Variants in RPL7A observed in about 807,000 individuals in gnomAD.
RPL7A encodes the protein ribosomal protein L7a.
For missense variants in RPL7A, 291 were observed against 338.2 expected, an observed-to-expected ratio of 0.86 and a Z score of 1.09; for synonymous variants, 158 against 128.2, an observed-to-expected ratio of 1.23 and a Z score of -1.57.
intron 6 of RPL7A, 101 bp from the exon 7 acceptor site, chr9:133,350,901 C>G: frequency 6.7e-7 from 1 of 1,484,526 alleles, no homozygotes; most frequent in Non-Finnish European, 9.4e-7. Context: ...GTCAGCATTG[C>G]ATCTGAGGCA....
In RPL7A at chr9:133,350,570, C is replaced by T. The variant is rs2129994744; in HGVS notation, c.496-27C>T. ...AAATTTGCTGCTTTTGGTCAAAATA[C>T]AGTCTTCAGCTAATGCTTTCTTCCA... On this transcript the variant is annotated intron_variant, in intron 5 of 7. Coordinates refer to ENST00000323345, the MANE Select transcript of RPL7A (RefSeq NM_000972.3). 56 of 1,613,890 alleles carry T rather than the reference C, an allele frequency of 3.5e-5. No individual in the cohort carries two copies. In the African/African-American group the frequency reaches 5.5e-4, roughly 16 times the overall value.
chr9:133,350,087 G>A lies in RPL7A; in HGVS notation c.415+35G>A, dbSNP rs2129991191. On this transcript the variant is annotated intron_variant, in intron 4 of 7. Transcript: ENST00000323345. The stretch of plus-strand genomic sequence containing the variant: ...CCCCACCTTAGGGTGAACACTGGGG[G>A]CGGGCTGTTGCAGTGATGTAAAATT... 2.5e-6 allele frequency: 4 copies of A among 1,613,938 alleles called. No individual in the cohort carries two copies. In the South Asian group the frequency reaches 4.4e-5, roughly 18 times the overall value.
rs2129987920 is a variant in RPL7A, at chr9:133,349,685, C to G, written c.259C>G (p.Leu87Val). Residue 87 changes from leucine (L) to valine (V), a missense_variant, in exon 3 of 8, where the codon CTG becomes GTG. By Grantham distance (32) the Leu-to-Val change is conservative (BLOSUM62 1). Transcript: ENST00000323345. Reference sequence around the variant, plus strand: ...TGCGATTAACCAGTTCACCCAGGCCCTGGACCGCCAAACAGGTGAGGTTCT... The same window carrying G: ...TGCGATTAACCAGTTCACCCAGGCCGTGGACCGCCAAACAGGTGAGGTTCT... ...PPAINQFTQA[L>V]DRQTATQLLK... 6.2e-7 allele frequency: 1 copy of G among 1,614,016 alleles called. No homozygotes were observed. Among genetic ancestry groups the G allele is most frequent in the Admixed American group, 1.7e-5 (1 of 60,022 alleles).
At position 133,350,040 on chromosome 9, in the gene RPL7A, G is replaced by C. The variant is rs1228123756; in HGVS notation, c.403G>C (p.Val135Leu). 1 of 1,613,712 alleles carries C rather than the reference G, an allele frequency of 6.2e-7. No homozygotes were observed. The highest frequency in any genetic ancestry group is 8.5e-7 in the Non-Finnish European group (1 of 1,180,044). ...KGDVPTKRPP[V>L]LRAGVNTVTT... ...GGACGTCCCAACGAAGAGACCACCT[G>C]TCCTTCGAGCAGGTGAGTAGGCCCC... The change falls in exon 4 of 8, where the codon GTC (valine) becomes CTC (leucine). Residue 135 changes from valine to leucine, a missense_variant. Transcript: ENST00000323345.
chr9:133,350,248 A>G lies in RPL7A; in HGVS notation c.424A>G (p.Thr142Ala). The change falls in exon 5 of 8, where the codon ACC becomes GCC. Residue 142 changes from threonine to alanine, a missense_variant. By Grantham distance (58) the Thr-to-Ala change is moderately conservative. Coordinates refer to ENST00000323345, the MANE Select transcript of RPL7A (RefSeq NM_000972.3). ...GTGGTTGTGTGTTCTAGGAGTTAAC[A>G]CCGTCACCACCTTGGTGGAGAACAA... is the stretch of plus-strand genomic sequence containing the variant. ...RPPVLRAGVN[T>A]VTTLVENKKA... 6.2e-7 allele frequency: 1 copy of G among 1,613,856 alleles called. No individual in the cohort carries two copies. Among genetic ancestry groups the G allele is most frequent in the South Asian group, 1.1e-5 (1 of 91,046 alleles).
chr9:133,348,688 T>G (rs184342535), intron 1 of RPL7A: 1 of 717,436 alleles, frequency 1.4e-6, no homozygotes. Flanking sequence ...GAGAGCGTGG[T>G]CTCGGGCTTA....
Position 133,350,971 on chromosome 9 carries a change from A to G in RPL7A, c.627-31A>G, listed in dbSNP as rs1245135491. 5 of 1,612,694 alleles carry G rather than the reference A, an allele frequency of 3.1e-6. No homozygotes were observed. In the African/African-American group the frequency reaches 5.3e-5, roughly 17 times the overall value. ...TCTAAAAGGGAAACTAAGGCAAAAA[A>G]CCCACTTTTGTTTCCCCTCCTGCCT... On this transcript the variant is annotated intron_variant, in intron 6 of 7. Transcript: ENST00000323345.
At chr9:133,348,746 CTGAA>C in intron 1 of RPL7A, 172 bp from the exon 2 acceptor site, 1 of 950,466 alleles carries the variant, frequency 1.1e-6, no homozygotes, top group Non-Finnish European at 1.7e-6. Flanking sequence ...GCTTGTGCGG[CTGAA>C]TGTGAGATGC....
At chr9:133,350,096 T>G (rs2129991276) in intron 4 of RPL7A, 44 bp downstream of exon 4, 3 of 1,613,792 alleles carry the variant, frequency 1.9e-6, no homozygotes, top group Non-Finnish European at 2.5e-6. Flanking sequence ...GGCGGGCTGT[T>G]GCAGTGATGT....
At chr9:133,349,815 C>T in intron 3 of RPL7A, 97 bp from the exon 4 acceptor site, 3 of 1,580,552 alleles carry the variant, frequency 1.9e-6, no homozygotes, top group East Asian at 4.5e-5. Context: ...AAATTATAGT[C>T]ATATAGCAGG....
chr9:133,349,454 C>T (rs1836318912), intron 2 of RPL7A, 97 bp from the exon 3 acceptor site: 1 of 1,462,038 alleles, frequency 6.8e-7, no homozygotes, highest in South Asian at 1.1e-5. Flanking sequence ...TTTTAAACCA[C>T]CAAGATCGCT....
In RPL7A at chr9:133,349,442, C is replaced by T. The variant is rs2129986084; in HGVS notation, c.125-109C>T. 3.0e-6 allele frequency: 4 copies of T among 1,317,940 alleles called. No individual in the cohort carries two copies. In the African/African-American group the frequency reaches 4.4e-5, roughly 14 times the overall value. The allele number at this position is 1,317,940 out of a possible 1,614,324, so 81.6% of individuals were successfully genotyped here. ...TTTGCTATCTGAGAGATGGTGATGA[C>T]ATTTTAAACCACCAAGATCGCTGAT... On this transcript the variant is annotated intron_variant, in intron 2 of 7. Transcript: ENST00000323345.
At position 133,351,066 on chromosome 9, in the gene RPL7A, G is replaced by A; in HGVS notation, c.691G>A (p.Asp231Asn). 1.2e-6 allele frequency: 2 copies of A among 1,613,812 alleles called. No individual in the cohort carries two copies. Among genetic ancestry groups the A allele is most frequent in the Non-Finnish European group, 1.7e-6 (2 of 1,179,866 alleles). ...AIRTNYNDRYDEIRRHWGGNV... is the reference protein window; with the variant it reads ...AIRTNYNDRYNEIRRHWGGNV... ...CAGGACCAATTACAATGACAGATAC[G>A]ATGAGGTAAGAGGCAGCTTTACACC... The change falls in exon 7 of 8, where the codon GAT (aspartate) becomes AAT (asparagine). Residue 231 changes from aspartate (D) to asparagine (N), a missense_variant. Coordinates refer to ENST00000323345, the MANE Select transcript of RPL7A (RefSeq NM_000972.3).
chr9:133,350,217 C>A (rs2129992147), intron 4 of RPL7A, 23 bp from the exon 5 acceptor site: 5 of 1,613,584 alleles, frequency 3.1e-6, no homozygotes, highest in Non-Finnish European at 4.2e-6. Flanking sequence ...TGTGAGTGCT[C>A]ACAAAGTGGT....
chr9:133,350,847 TGCCAATGATGG>T, intron 6 of RPL7A, 120 bp downstream of exon 6: 4 of 1,547,772 alleles, frequency 2.6e-6, no homozygotes, highest in Non-Finnish European at 3.6e-6. Flanking sequence ...TCTGAACTTT[TGCCAATGATGG>T]TTAAGAATTT....
intron 5 of RPL7A, 118 bp from the exon 6 acceptor site, chr9:133,350,479 T>G: frequency 6.4e-7 from 1 of 1,561,922 alleles, no homozygotes; most frequent in Non-Finnish European, 8.8e-7. Flanking sequence ...AATCTCTCAC[T>G]GAATTCAACC....
intron 2 of RPL7A, 197 bp downstream of exon 2, chr9:133,349,239 T>C (rs1041361850): frequency 8.0e-6 from 6 of 752,234 alleles, no homozygotes; most frequent in Non-Finnish European, 1.4e-5. Flanking sequence ...CAGCTCAATA[T>C]GGTAGTGGCC....
chr9:133,348,825 CT>C, intron 1 of RPL7A, 96 bp from the exon 2 acceptor site: 1 of 1,588,130 alleles, frequency 6.3e-7, no homozygotes, highest in Non-Finnish European at 8.6e-7. Flanking sequence ...CAGGCAGGTG[CT>C]GTCAGCGTCC....
At chr9:133,349,870 A>G (rs1392135780) in intron 3 of RPL7A, 42 bp from the exon 4 acceptor site, 4 of 1,606,652 alleles carry the variant, frequency 2.5e-6, no homozygotes, top group Non-Finnish European at 3.4e-6. Flanking sequence ...GACAAGGATT[A>G]GAACCTTGAC....
Sources: allele counts gnomAD v4.1 joint callset, GRCh38; gene constraint gnomAD v4.1.1; transcripts MANE v1.5; gene names NCBI Gene and HGNC (gene_info 2026-07-23, HGNC 2026-07-21).